The following TENT2 variants were observed in gnomAD, a reference collection of about 807,000 sequenced individuals.
The protein encoded by TENT2 is terminal nucleotidyltransferase 2.
In TENT2, 44 loss-of-function variants were observed where a neutral mutation model predicts 72.2. The ratio of observed to expected loss-of-function variants is 0.61; its 90% CI spans 0.48 to 0.78. The LOEUF (loss-of-function observed/expected upper bound fraction) is 0.78, where lower values mean the gene tolerates loss of function less well. Among genes scored for constraint, TENT2 ranks in the 30% least tolerant of loss-of-function variants. TENT2 has a pLI of 0.00. For synonymous variants in TENT2, 212 were observed against 192.5 expected (o/e 1.10, Z -0.84); for missense variants, 541 against 569.6 (o/e 0.95, Z 0.51).
At chr5:79,648,810 T>G in intron 9 of TENT2, 117 bp downstream of exon 9, 1 of 853,298 alleles carries the variant, frequency 1.2e-6, no homozygotes, top group East Asian at 2.7e-5. Context: ...GTATCTTATT[T>G]TATTTGTATA....
intron 4 of TENT2, among the ~76,000 whole-genome samples, chr5:79,627,765 G>A (rs1173439014): frequency 1.3e-5 from 2 of 152,206 alleles, no homozygotes; most frequent in African/African-American, 4.8e-5. Context: ...GTTTATAGGT[G>A]TGATCCACCA....
At chr5:79,669,124 G>C (rs1810874369) in intron 12 of TENT2, 96 bp downstream of exon 12, 1 of 1,397,552 alleles carries the variant, frequency 7.2e-7, no homozygotes, top group Non-Finnish European at 9.6e-7. Flanking sequence ...AAATGCTACA[G>C]ATTTAGTCAG....
At chr5:79,622,501 T>C (rs773995270) in intron 3 of TENT2, among the ~76,000 whole-genome samples, 2 of 152,244 alleles carry the variant, frequency 1.3e-5, no homozygotes, top group Non-Finnish European at 2.9e-5. Flanking sequence ...AAGAATAATA[T>C]GGTGAATATC....
At chr5:79,680,917 A>G (rs948209466) in intron 13 of TENT2, among the ~76,000 whole-genome samples, 1 of 151,692 alleles carries the variant, frequency 6.6e-6, no homozygotes, top group Non-Finnish European at 1.5e-5. Context: ...TATTATCTTC[A>G]GTTTCCTCGT....
chr5:79,613,478 A>G (rs1290912157), intron 1 of TENT2, among the ~76,000 whole-genome samples: 1 of 152,256 alleles, frequency 6.6e-6, no homozygotes, highest in Non-Finnish European at 1.5e-5. Context: ...ATTACAGGTA[A>G]CATAGTAACT....
chr5:79,633,421 C>T (rs956168734), intron 4 of TENT2, among the ~76,000 whole-genome samples: 42 of 147,676 alleles, frequency 2.8e-4, no homozygotes, highest in African/African-American at 1.0e-3. Context: ...CTCGGTATTT[C>T]CAGCTAAAAA....
chr5:79,622,552 A>G (rs985918147), intron 3 of TENT2, among the ~76,000 whole-genome samples: 7 of 152,104 alleles, frequency 4.6e-5, no homozygotes, highest in Non-Finnish European at 1.0e-4. Context: ...AAAGTTTTAC[A>G]TTTGATTTCT....
chr5:79,645,950 A>G (rs1047896684), intron 8 of TENT2, among the ~76,000 whole-genome samples: 3 of 152,152 alleles, frequency 2.0e-5, no homozygotes, highest in Non-Finnish European at 4.4e-5. Context: ...GAATATTCAT[A>G]CGCTTTTGTG....
intron 4 of TENT2, among the ~76,000 whole-genome samples, chr5:79,629,211 C>T (rs1276634044): frequency 6.6e-6 from 1 of 152,152 alleles, no homozygotes; most frequent in Non-Finnish European, 1.5e-5. Flanking sequence ...GTACAAATCA[C>T]GTACAAACCC....
chr5:79,631,073 A>G (rs1580281397), intron 4 of TENT2, among the ~76,000 whole-genome samples: 1 of 152,212 alleles, frequency 6.6e-6, no homozygotes, highest in Admixed American at 6.5e-5. Context: ...CTAAGCCTCT[A>G]CAATATCGAC....
Position 79,641,089 on chromosome 5 carries a change from T to A in TENT2, c.581-16T>A, listed in dbSNP as rs78953757. 3 of 1,557,138 alleles carry A rather than the reference T, an allele frequency of 1.9e-6. No homozygotes were observed. Among genetic ancestry groups the A allele is most frequent in the Non-Finnish European group, 2.6e-6 (3 of 1,159,202 alleles). On this transcript the variant is annotated splice_polypyrimidine_tract_variant and intron_variant, in intron 5 of 14. Transcript: ENST00000453514. The stretch of plus-strand genomic sequence containing the variant: ...TAGATTTTAAATACTCTTATTACTT[T>A]CTTCTGTTTCTTTAGAAAGCAGACT...
At chr5:79,637,118 C>A (rs1387488595) in intron 4 of TENT2, among the ~76,000 whole-genome samples, 1 of 152,026 alleles carries the variant, frequency 6.6e-6, no homozygotes, top group Non-Finnish European at 1.5e-5. Context: ...CCTTTAGTCC[C>A]AGCTACTTGC....
At chr5:79,656,612 T>C (rs1798149824) in intron 10 of TENT2, among the ~76,000 whole-genome samples, 1 of 152,028 alleles carries the variant, frequency 6.6e-6, no homozygotes, top group African/African-American at 2.4e-5. Context: ...ATAATGTCTA[T>C]TCAGTATCTG....
intron 14 of TENT2, among the ~76,000 whole-genome samples, chr5:79,684,137 A>G (rs1329608264): frequency 6.6e-6 from 1 of 152,152 alleles, no homozygotes; most frequent in Non-Finnish European, 1.5e-5. Context: ...AGACTAGAAT[A>G]CAAAGATCTG....
chr5:79,618,864 T>A (rs1027381788), intron 1 of TENT2, among the ~76,000 whole-genome samples: 7 of 152,242 alleles, frequency 4.6e-5, no homozygotes, highest in Non-Finnish European at 8.8e-5. Flanking sequence ...ATTTTGTTTT[T>A]TCATAAGAGT....
chr5:79,657,107 G>T, intron 11 of TENT2, 106 bp downstream of exon 11: 1 of 708,586 alleles, frequency 1.4e-6, no homozygotes. Flanking sequence ...CTAAGTACAT[G>T]ATAACATTTT....
chr5:79,668,516 A>G (rs969873781), intron 11 of TENT2, among the ~76,000 whole-genome samples: 1 of 152,180 alleles, frequency 6.6e-6, no homozygotes. Flanking sequence ...TACATGAAGT[A>G]TAACTGCTCC....
At chr5:79,649,482 G>A (rs1235661852) in intron 10 of TENT2, among the ~76,000 whole-genome samples, 1 of 150,880 alleles carries the variant, frequency 6.6e-6, no homozygotes, top group Non-Finnish European at 1.5e-5. Flanking sequence ...TGAAGCAGAC[G>A]AATGTTCAAA....
intron 11 of TENT2, among the ~76,000 whole-genome samples, chr5:79,659,556 GTATATATA>G (rs71855117): frequency 0.018 from 630 of 34,250 alleles, 31 homozygotes; most frequent in Middle Eastern, 0.083. Context: ...AAAAAAAAAT[GTATATATA>G]TATATATATA....
Sources: allele counts gnomAD v4.1 joint callset (sites outside exome capture counted in the v4.1 genomes callset), GRCh38; gene constraint gnomAD v4.1.1; transcripts MANE v1.5; gene names NCBI Gene and HGNC (gene_info 2026-07-23, HGNC 2026-07-21).